The following RCOR3 variants were observed in gnomAD, a reference collection of about 807,000 sequenced individuals.
The protein encoded by RCOR3 is REST corepressor 3.
In RCOR3, 13 loss-of-function variants were observed where a neutral mutation model predicts 64.1. The ratio of observed to expected loss-of-function variants is 0.20; its 90% CI spans 0.13 to 0.32. The LOEUF (loss-of-function observed/expected upper bound fraction) is 0.32. RCOR3 is among the 10% of genes least tolerant of loss of function. RCOR3 has a pLI of 1.00. For synonymous variants in RCOR3, 215 were observed against 239.0 expected (o/e 0.90, Z 0.93); for missense variants, 489 against 701.2 (o/e 0.70, Z 3.42).
At chr1:211,289,446 C>A in intron 8 of RCOR3, 50 bp downstream of exon 8, 1 of 1,433,600 alleles carries the variant, frequency 7.0e-7, no homozygotes, top group Non-Finnish European at 9.6e-7. Flanking sequence ...TTTGGCTATC[C>A]GCTTTTACCT....
Position 211,278,045 on chromosome 1 carries a change from T to C in RCOR3, c.517-72T>C, listed in dbSNP as rs921614129. 14 of 1,339,420 alleles carry C rather than the reference T, an allele frequency of 1.0e-5. No homozygotes were observed. The Admixed American group carries it at 3.2e-4, about 31-fold the overall frequency. The allele number at this position is 1,339,420 out of a possible 1,614,324, so 83.0% of individuals were successfully genotyped here. A position where few individuals can be genotyped will look rare whatever the true frequency, so the allele number is the denominator to read the frequency against. On this transcript the variant is annotated intron_variant, in intron 5 of 11. Transcript: ENST00000419091. ...TTTTTATTATGCCTTTACTAAATAGTAAAGATATCATCAAAATTATTCATT... is the reference window on the plus strand; with the variant it reads ...TTTTTATTATGCCTTTACTAAATAGCAAAGATATCATCAAAATTATTCATT...
At chr1:211,295,927 C>A (rs1699822197) in intron 9 of RCOR3, among the ~76,000 whole-genome samples, 174 bp downstream of exon 9, 1 of 152,076 alleles carries the variant, frequency 6.6e-6, no homozygotes, top group South Asian at 2.1e-4. Context: ...CTTGGTTAAT[C>A]ATTTTGTATT....
chr1:211,259,370 T>G lies in RCOR3; in HGVS notation c.-191T>G. ...AGAGAGGCGGGGCCGGGGCGGGTTG[T>G]TGTGAGGCGACTGCGCTACTGCCGG... On this transcript the variant is annotated 5_prime_UTR_variant, in exon 1 of 12. Transcript: ENST00000419091. The G allele has an allele frequency of 5.3e-5, 27 of 507,484 alleles. No homozygotes were observed. The highest frequency in any genetic ancestry group is 1.6e-4 in the East Asian group (4 of 24,668). The allele number at this position is 507,484 out of a possible 1,614,324, so 31.4% of individuals were successfully genotyped here.
Position 211,313,420 on chromosome 1 carries a change from C to T in RCOR3, c.1318-4C>T. The T allele has an allele frequency of 6.2e-7, 1 of 1,612,026 alleles. No homozygotes were observed. Among genetic ancestry groups the T allele is most frequent in the Non-Finnish European group, 8.5e-7 (1 of 1,178,566 alleles). On this transcript the variant is annotated splice_region_variant and splice_polypyrimidine_tract_variant and intron_variant, in intron 11 of 11. Transcript: ENST00000419091. This position sits in a 1 kb window ranked among gnomAD's most constrained non-coding sequence, Gnocchi z 4.7. ...TACGTGTATTTTTGTTTCCTCACCTCTAGGCACAGACCCCACAGGCTCCTC... is the reference window on the plus strand; with the variant it reads ...TACGTGTATTTTTGTTTCCTCACCTTTAGGCACAGACCCCACAGGCTCCTC...
intron 2 of RCOR3, among the ~76,000 whole-genome samples, 163 bp from the exon 3 acceptor site, chr1:211,271,069 G>C (rs573994498): frequency 2.0e-4 from 31 of 152,266 alleles, no homozygotes; most frequent in African/African-American, 7.5e-4. Flanking sequence ...ATGTTAGCCA[G>C]GATGGTCTCG....
intron 9 of RCOR3, chr1:211,302,199 C>T (rs1700447977): frequency 6.6e-6 from 1 of 152,216 alleles, no homozygotes. Context: ...CCATTCACTA[C>T]ATCATTATCC....
rs1213720211 is a variant in RCOR3 at position 211,274,195 on chromosome 1, A to G, written c.302-15A>G. 2 of 1,550,298 alleles carry G rather than the reference A, an allele frequency of 1.3e-6. No individual in the cohort carries two copies. Among genetic ancestry groups the G allele is most frequent in the South Asian group, 1.1e-5 (1 of 87,676 alleles). On this transcript the variant is annotated splice_polypyrimidine_tract_variant and intron_variant, in intron 3 of 11. Coordinates refer to ENST00000419091, the MANE Select transcript of RCOR3 (RefSeq NM_001136223.3). ...AAATGAGAATAATTAATTATATAACATTATTTCATTGCAGTGGATGAATAC... is the reference window on the plus strand; with the variant it reads ...AAATGAGAATAATTAATTATATAACGTTATTTCATTGCAGTGGATGAATAC...
chr1:211,273,131 T>G (rs1351813726), intron 3 of RCOR3, among the ~76,000 whole-genome samples: 1 of 152,258 alleles, frequency 6.6e-6, no homozygotes, highest in Non-Finnish European at 1.5e-5. Context: ...AACAATTTTA[T>G]TCTAATAGCA....
chr1:211,283,114 T>G (rs552827828), intron 7 of RCOR3, among the ~76,000 whole-genome samples: 138 of 152,370 alleles, frequency 9.1e-4, no homozygotes, highest in African/African-American at 3.2e-3. Context: ...CGGACACTGC[T>G]GATATGAACA....
chr1:211,306,127 T>TTATAGTTTTTATATAAAAACTATATA lies in RCOR3; in HGVS notation c.1075+1987_1075+1988insTATAGTTTTTATATAAAAACTATATA, dbSNP rs1366731904. The stretch of plus-strand genomic sequence containing the variant: ...TAAAATAAAACTATATAAGGCTATT[T>TTATAGTTTTTATATAAAAACTATATA]GTGCCCTATATAAAATAGCTATTTT... On this transcript the variant is annotated intron_variant, in intron 10 of 11. Transcript: ENST00000419091. 2.6e-5 allele frequency among the ~76,000 whole-genome samples: 4 copies of TTATAGTTTTTATATAAAAACTATATA among 152,168 alleles called. No individual in the cohort carries two copies. In the East Asian group the frequency reaches 7.7e-4, roughly 29 times the overall value.
chr1:211,313,212 A>T lies in RCOR3; in HGVS notation c.1318-212A>T. ...ATTTTCAGTGTTAAGCTGTTTACAAATAAAGATGCCTGTTTGGTAGCCTCA... is the reference window on the plus strand; with the variant it reads ...ATTTTCAGTGTTAAGCTGTTTACAATTAAAGATGCCTGTTTGGTAGCCTCA... On this transcript the variant is annotated intron_variant, in intron 11 of 11. Coordinates refer to ENST00000419091, the MANE Select transcript of RCOR3 (RefSeq NM_001136223.3). This position sits in a 1 kb window ranked among gnomAD's most constrained non-coding sequence, Gnocchi z 4.7. 7.0e-7 allele frequency: 1 copy of T among 1,431,002 alleles called. No individual in the cohort carries two copies. The highest frequency in any genetic ancestry group is 1.6e-5 in the South Asian group (1 of 64,140). The allele number at this position is 1,431,002 out of a possible 1,614,324, so 88.6% of individuals were successfully genotyped here. A position where few individuals can be genotyped will look rare whatever the true frequency, so the allele number is the denominator to read the frequency against.
Position 211,313,255 on chromosome 1 carries a change from GT to G in RCOR3, c.1318-165del. The stretch of plus-strand genomic sequence containing the variant: ...TAGCCTCATTGGTTTTTGGTTTTTG[GT>G]TTTGTTTTGTTTAAAATAAAAGAAG... On this transcript the variant is annotated intron_variant, in intron 11 of 11. Coordinates refer to ENST00000419091, the MANE Select transcript of RCOR3 (RefSeq NM_001136223.3). The surrounding 1 kb of genome is among the most constrained non-coding windows in gnomAD (Gnocchi z 4.7). The G allele has an allele frequency of 1.4e-6, 2 of 1,428,570 alleles. No homozygotes were observed. Among genetic ancestry groups the G allele is most frequent in the Non-Finnish European group, 9.1e-7 (1 of 1,097,160 alleles). The allele number at this position is 1,428,570 out of a possible 1,614,324, so 88.5% of individuals were successfully genotyped here.
chr1:211,286,947 T>C (rs1479498663), intron 7 of RCOR3, among the ~76,000 whole-genome samples: 2 of 152,230 alleles, frequency 1.3e-5, no homozygotes, highest in African/African-American at 2.4e-5. Flanking sequence ...AGAAGCCCAT[T>C]TAGTGAAGAC....
chr1:211,295,393 A>G (rs1336042100), intron 8 of RCOR3, among the ~76,000 whole-genome samples: 1 of 152,208 alleles, frequency 6.6e-6, no homozygotes, highest in Non-Finnish European at 1.5e-5. Context: ...TTTAATTCCT[A>G]TGTATGCCAG....
intron 7 of RCOR3, among the ~76,000 whole-genome samples, chr1:211,286,756 T>C (rs1698604085): frequency 6.6e-6 from 1 of 152,214 alleles, no homozygotes; most frequent in Admixed American, 6.5e-5. Context: ...CCATCCTGAT[T>C]TATATACTAG....
chr1:211,309,762 G>A (rs1701300069), intron 10 of RCOR3, among the ~76,000 whole-genome samples: 1 of 152,190 alleles, frequency 6.6e-6, no homozygotes, highest in African/African-American at 2.4e-5. Context: ...CCCAGGGACA[G>A]ACTGAAACTC....
rs1701847614 is a variant in RCOR3, at chr1:211,316,063, T to C, written c.*2295T>C. On this transcript the variant is annotated 3_prime_UTR_variant, in exon 12 of 12. Coordinates refer to ENST00000419091, the MANE Select transcript of RCOR3 (RefSeq NM_001136223.3). ...ATAATTTCATGTTCTATGAGGAATT[T>C]AGTACCTCTTCACTGTGAAATTCGA... is the stretch of plus-strand genomic sequence containing the variant. 1 of 152,240 alleles carries C rather than the reference T, an allele frequency of 6.6e-6. No homozygotes were observed. Among genetic ancestry groups the C allele is most frequent in the Non-Finnish European group, 1.5e-5 (1 of 68,036 alleles). 9.4% of individuals were successfully genotyped at this position (152,240 alleles called of 1,614,324 possible).
chr1:211,300,658 T>C (rs1438457238), intron 9 of RCOR3, among the ~76,000 whole-genome samples: 1 of 152,218 alleles, frequency 6.6e-6, no homozygotes, highest in East Asian at 1.9e-4. Context: ...TGTGTTAAAG[T>C]CATATCATAT....
intron 3 of RCOR3, among the ~76,000 whole-genome samples, chr1:211,272,908 A>G (rs1003028368): frequency 1.3e-5 from 2 of 151,910 alleles, no homozygotes; most frequent in Non-Finnish European, 2.9e-5. Context: ...GGCGTGAGCC[A>G]CCGCGCCCGG....
Sources: allele counts gnomAD v4.1 joint callset (sites outside exome capture counted in the v4.1 genomes callset), GRCh38; gene constraint gnomAD v4.1.1; non-coding constraint Gnocchi (gnomAD v3.1); transcripts MANE v1.5; gene names NCBI Gene and HGNC (gene_info 2026-07-23, HGNC 2026-07-21).